SAMD12: variants seen among roughly 807,000 people sequenced by gnomAD.
SAMD12 encodes the protein sterile alpha motif domain containing 12.
SAMD12 carries 9 observed loss-of-function variants against 15.0 expected under a neutral mutation model. That is an observed-to-expected ratio of 0.60 (90% CI 0.36 to 1.05). The LOEUF (loss-of-function observed/expected upper bound fraction) is 1.05, where lower values mean the gene tolerates loss of function less well. SAMD12 is among the 50% of genes least tolerant of loss of function. SAMD12 has a pLI of 0.01. For synonymous variants in SAMD12, 86 were observed against 90.1 expected (o/e 0.96, Z 0.25); for missense variants, 230 against 234.2 (o/e 0.98, Z 0.12).
intron 1 of SAMD12, among the ~76,000 whole-genome samples, chr8:118,610,633 T>A (rs185974427): frequency 1.4e-4 from 21 of 152,332 alleles, no homozygotes; most frequent in Admixed American, 3.3e-4. Flanking sequence ...CATTAGTTCT[T>A]GTGTTTACTC....
At chr8:118,175,053 AAAAC>A in the SAMD12 span, among the ~76,000 whole-genome samples, 1 of 150,188 alleles carries the variant, frequency 6.7e-6, no homozygotes, top group African/African-American at 2.5e-5. Context: ...AAAAACAAAA[AAAAC>A]AAACAAAAAC....
intron 2 of SAMD12, among the ~76,000 whole-genome samples, chr8:118,565,844 C>T (rs1427279829): frequency 6.6e-6 from 1 of 152,192 alleles, no homozygotes; most frequent in Non-Finnish European, 1.5e-5. Context: ...CCTCTCTTTG[C>T]CTCCATAGGT....
the SAMD12 span, among the ~76,000 whole-genome samples, chr8:118,153,906 A>G: frequency 6.6e-6 from 1 of 152,006 alleles, no homozygotes; most frequent in African/African-American, 2.4e-5. Flanking sequence ...AATTTGTTTT[A>G]GATCTCTTTA....
At chr8:118,160,954 C>G in the SAMD12 span, among the ~76,000 whole-genome samples, 1 of 152,114 alleles carries the variant, frequency 6.6e-6, no homozygotes, top group African/African-American at 2.4e-5. Context: ...GCACCCCACC[C>G]CACAACAGTC....
chr8:118,526,577 T>C (rs558708633), intron 2 of SAMD12, among the ~76,000 whole-genome samples: 355 of 152,202 alleles, frequency 2.3e-3, no homozygotes, highest in Non-Finnish European at 4.0e-3. Context: ...AGGAATTTAA[T>C]GAAAAGACTA....
chr8:118,160,939 C>T, the SAMD12 span, among the ~76,000 whole-genome samples: 1 of 152,236 alleles, frequency 6.6e-6, no homozygotes, highest in East Asian at 1.9e-4. Flanking sequence ...GCTATCCCTG[C>T]CCCCGCACCC....
At chr8:118,446,786 T>C (rs1367743114) in intron 2 of SAMD12, among the ~76,000 whole-genome samples, 1 of 152,180 alleles carries the variant, frequency 6.6e-6, no homozygotes, top group Non-Finnish European at 1.5e-5. Flanking sequence ...TCACATGTCG[T>C]ATCAGGGCTC....
chr8:118,554,294 C>A (rs1262427132), intron 2 of SAMD12, among the ~76,000 whole-genome samples: 1 of 152,056 alleles, frequency 6.6e-6, no homozygotes, highest in Non-Finnish European at 1.5e-5. Flanking sequence ...AAATGTCCAA[C>A]AATGATAGAA....
In SAMD12 at chr8:118,415,291, A is replaced by T. The variant is rs143496642; in HGVS notation, c.322+24541T>A. Among the ~76,000 whole-genome samples, 443 of 152,308 alleles carry T rather than the reference A, an allele frequency of 2.9e-3. 2 individuals are homozygous for T. The highest frequency in any genetic ancestry group is 0.01 in the African/African-American group (424 of 41,570). ...CAAAAGTATTTTTTGCTTCCATCCA[A>T]GATCTTTTCTTATTCAACTGGCACC... On this transcript the variant is annotated intron_variant, in intron 3 of 3. Transcript: ENST00000314727.
chr8:118,451,462 C>A (rs1284531625), intron 2 of SAMD12, among the ~76,000 whole-genome samples: 2 of 152,162 alleles, frequency 1.3e-5, no homozygotes, highest in African/African-American at 4.8e-5. Context: ...TACAATAGGG[C>A]AATGCTAATC....
chr8:118,180,344 G>A, the SAMD12 span, among the ~76,000 whole-genome samples: 27 of 152,140 alleles, frequency 1.8e-4, no homozygotes, highest in Non-Finnish European at 3.2e-4. Flanking sequence ...CCAAAGGTTT[G>A]GGATTATAGA....
At chr8:118,581,318 A>G (rs1338874404) in intron 1 of SAMD12, among the ~76,000 whole-genome samples, 2 of 152,114 alleles carry the variant, frequency 1.3e-5, no homozygotes, top group East Asian at 1.9e-4. Context: ...TTAGGCATCC[A>G]CTCAAGTCCA....
intron 2 of SAMD12, among the ~76,000 whole-genome samples, chr8:118,548,430 G>A (rs117315157): frequency 0.029 from 4,218 of 144,126 alleles, 118 homozygotes; most frequent in Non-Finnish European, 0.038. Flanking sequence ...CACACCCCAT[G>A]TGATGGGTAA....
At chr8:118,263,246 G>T (rs971953632) in intron 4 of SAMD12, among the ~76,000 whole-genome samples, 2 of 152,084 alleles carry the variant, frequency 1.3e-5, no homozygotes, top group African/African-American at 2.4e-5. Context: ...AAAACCTCAC[G>T]AAAGTGAAGT....
chr8:118,183,581 CT>C, the SAMD12 span, among the ~76,000 whole-genome samples: 1 of 152,152 alleles, frequency 6.6e-6, no homozygotes, highest in African/African-American at 2.4e-5. Flanking sequence ...TCAGAAATAA[CT>C]GGGTTAGCTC....
rs895070382 is a variant in SAMD12 at position 118,603,017 on chromosome 8, C to A, written c.13+18787G>T. On this transcript the variant is annotated intron_variant, in intron 1 of 3. Coordinates refer to ENST00000314727, the MANE Select transcript of SAMD12 (RefSeq NM_207506.3). ...GGATGCTGAATTTTTTTCCAAAAAC[C>A]GAGGTCTTAGAAATTAAAAATTACA... Among the ~76,000 whole-genome samples the A allele has an allele frequency of 4.0e-5, 6 of 151,730 alleles. No homozygotes were observed. The South Asian group carries it at 8.3e-4, about 21-fold the overall frequency.
intron 2 of SAMD12, among the ~76,000 whole-genome samples, chr8:118,473,503 A>T (rs1055939815): frequency 2.0e-5 from 3 of 152,176 alleles, no homozygotes; most frequent in African/African-American, 7.2e-5. Flanking sequence ...TGTTTTCACC[A>T]ATCTTCATTT....
chr8:118,256,321 T>C (rs1336791537), intron 4 of SAMD12, among the ~76,000 whole-genome samples: 1 of 152,154 alleles, frequency 6.6e-6, no homozygotes, highest in East Asian at 1.9e-4. Flanking sequence ...TGTAAATACA[T>C]GTGGTTAGCC....
intron 4 of SAMD12, among the ~76,000 whole-genome samples, chr8:118,281,731 G>C (rs1813655305): frequency 6.6e-6 from 1 of 152,174 alleles, no homozygotes; most frequent in South Asian, 2.1e-4. Context: ...AGTAGCCTCA[G>C]TCATGGTCAA....
Sources: gnomAD v4.1 joint callset for allele counts (sites outside exome capture counted in the v4.1 genomes callset) on GRCh38, gnomAD v4.1.1 for gene constraint, MANE v1.5 for transcripts, NCBI Gene and HGNC (gene_info 2026-07-23, HGNC 2026-07-21) for gene names.